NRF1: variants seen among roughly 807,000 people sequenced by gnomAD.
The protein encoded by NRF1 is alpha palindromic-binding protein.
Under a neutral mutation model 58.5 loss-of-function variants are expected in NRF1, and 5 were observed. That is an observed-to-expected ratio of 0.09 (90% confidence interval 0.04 to 0.18). NRF1 has a LOEUF of 0.18. Among genes scored for constraint, NRF1 ranks in the 10% least tolerant of loss-of-function variants. The pLI is 1.00. For synonymous variants in NRF1, 224 were observed against 246.7 expected (o/e 0.91, Z 0.86); for missense variants, 288 against 657.7 (o/e 0.44, Z 6.15).
intron 4 of NRF1, among the ~76,000 whole-genome samples, chr7:129,688,833 C>T (rs1424203397): frequency 6.6e-6 from 1 of 152,084 alleles, no homozygotes; most frequent in Non-Finnish European, 1.5e-5. Context: ...CAGTCACCTC[C>T]CACCAGGTCC....
At chr7:129,669,109 A>G (rs966281060) in intron 2 of NRF1, among the ~76,000 whole-genome samples, 1 of 152,092 alleles carries the variant, frequency 6.6e-6, no homozygotes, top group African/African-American at 2.4e-5. Flanking sequence ...CACCATGCCC[A>G]GCTAATTTTG....
At chr7:129,685,219 T>G (rs999433305) in intron 4 of NRF1, among the ~76,000 whole-genome samples, 5 of 152,196 alleles carry the variant, frequency 3.3e-5, no homozygotes, top group African/African-American at 1.2e-4. Context: ...GGACTATTTT[T>G]GCAACCCAAC....
At chr7:129,697,387 T>TA (rs973661245) in intron 5 of NRF1, among the ~76,000 whole-genome samples, 1,944 of 146,728 alleles carry the variant, frequency 0.013, 18 homozygotes, top group Non-Finnish European at 0.022. Flanking sequence ...ACTAAAAATT[T>TA]AAAAAAAAAA....
At chr7:129,731,611 C>CTTGTTTGTTTGTTTGTTTGT (rs71167211) in intron 10 of NRF1, among the ~76,000 whole-genome samples, 3 of 149,700 alleles carry the variant, frequency 2.0e-5, no homozygotes, top group Non-Finnish European at 4.4e-5. Flanking sequence ...CCTTCCTTTA[C>CTTGTTTGTTTGTTTGTTTGT]TTGTTTGTTT....
At chr7:129,676,726 G>C (rs1802188457) in intron 3 of NRF1, among the ~76,000 whole-genome samples, 1 of 152,186 alleles carries the variant, frequency 6.6e-6, no homozygotes, top group Non-Finnish European at 1.5e-5. Context: ...AGCACATGCT[G>C]TTGGAAAAAA....
intron 10 of NRF1, among the ~76,000 whole-genome samples, chr7:129,745,506 A>ACCCCCCCCACC: frequency 8.9e-6 from 1 of 112,582 alleles, no homozygotes; most frequent in Non-Finnish European, 1.8e-5. Context: ...ATCCCCCTCA[A>ACCCCCCCCACC]CCCCCCCCCC....
At chr7:129,731,462 CTCT>C (rs1803577360) in intron 10 of NRF1, among the ~76,000 whole-genome samples, 1 of 152,124 alleles carries the variant, frequency 6.6e-6, no homozygotes, top group Non-Finnish European at 1.5e-5. Flanking sequence ...TTTCTATGTT[CTCT>C]GTCTTTTTCA....
chr7:129,633,860 G>C (rs1801106035), intron 1 of NRF1: 1 of 151,094 alleles, frequency 6.6e-6, no homozygotes, highest in Non-Finnish European at 1.5e-5. Context: ...AACTATATGT[G>C]TAACAAATTT....
intron 1 of NRF1, among the ~76,000 whole-genome samples, chr7:129,651,045 G>T (rs926591839): frequency 2.0e-5 from 3 of 152,152 alleles, no homozygotes; most frequent in Non-Finnish European, 4.4e-5. Flanking sequence ...AACATTGTAA[G>T]TATCATTCAT....
At chr7:129,713,176 A>G (rs565115564) in intron 8 of NRF1, among the ~76,000 whole-genome samples, 131 of 147,458 alleles carry the variant, frequency 8.9e-4, no homozygotes, top group African/African-American at 3.2e-3. Flanking sequence ...AGCTCACTGC[A>G]ACCTCCGCCT....
At chr7:129,738,587 A>G (rs1430799984) in intron 10 of NRF1, among the ~76,000 whole-genome samples, 1 of 152,208 alleles carries the variant, frequency 6.6e-6, no homozygotes. Context: ...GGCTATACAC[A>G]TTGAGCATAA....
intron 1 of NRF1, chr7:129,633,766 C>T (rs1483501559): frequency 6.7e-6 from 1 of 149,566 alleles, no homozygotes; most frequent in South Asian, 2.2e-4. Flanking sequence ...CACTAGATAA[C>T]CATACTTATT....
chr7:129,698,660 C>A (rs964898555), intron 5 of NRF1, among the ~76,000 whole-genome samples: 1 of 152,142 alleles, frequency 6.6e-6, no homozygotes, highest in Non-Finnish European at 1.5e-5. Context: ...TCCTCTCAAA[C>A]TTCAGAGTGT....
At chr7:129,700,896 A>G (rs1171448357) in intron 5 of NRF1, among the ~76,000 whole-genome samples, 24 of 152,202 alleles carry the variant, frequency 1.6e-4, no homozygotes, top group Admixed American at 1.6e-3. Context: ...AGCCTGAGCA[A>G]AAGAGCGAGA....
intron 9 of NRF1, among the ~76,000 whole-genome samples, chr7:129,719,275 G>A (rs1172532680): frequency 6.6e-6 from 1 of 152,022 alleles, no homozygotes; most frequent in East Asian, 1.9e-4. Flanking sequence ...CAGGATTACA[G>A]GCATGCTCCA....
At chr7:129,651,020 T>C (rs1326722802) in intron 1 of NRF1, among the ~76,000 whole-genome samples, 1 of 152,202 alleles carries the variant, frequency 6.6e-6, no homozygotes, top group African/African-American at 2.4e-5. Flanking sequence ...CCTGCTTCTT[T>C]TATGATTTTA....
chr7:129,642,759 T>C lies in NRF1; in HGVS notation c.-6-14587T>C, dbSNP rs865820201. 9.7e-3 allele frequency among the ~76,000 whole-genome samples: 1,361 copies of C among 140,200 alleles called. 43 individuals are homozygous for C. The highest frequency in any genetic ancestry group is 0.032 in the African/African-American group (1,219 of 38,500). The allele number at this position is 140,200 out of a possible 152,430, so 92.0% of individuals were successfully genotyped here. Reference sequence around the variant, plus strand: ...TAAAAGAATACATTCTTTAAAAAATTTTTTTTTTTTTTTTTTTAAATGAGA... The same window carrying C: ...TAAAAGAATACATTCTTTAAAAAATCTTTTTTTTTTTTTTTTTAAATGAGA... On this transcript the variant is annotated intron_variant, in intron 1 of 10. Transcript: ENST00000393232.
intron 6 of NRF1, 86 bp downstream of exon 6, chr7:129,709,319 T>C: frequency 1.7e-6 from 2 of 1,204,132 alleles, no homozygotes; most frequent in Non-Finnish European, 2.2e-6. Flanking sequence ...CATCTTGTGC[T>C]AGAAAGTCTT....
intron 8 of NRF1, among the ~76,000 whole-genome samples, chr7:129,716,364 TG>T (rs1382008959): frequency 2.6e-5 from 4 of 152,192 alleles, no homozygotes; most frequent in African/African-American, 9.6e-5. Flanking sequence ...TCTAGAGTAC[TG>T]GTATCATATT....
Sources: gnomAD v4.1 joint callset for allele counts (sites outside exome capture counted in the v4.1 genomes callset) on GRCh38, gnomAD v4.1.1 for gene constraint, MANE v1.5 for transcripts, NCBI Gene and HGNC (gene_info 2026-07-23, HGNC 2026-07-21) for gene names.